The following PRRX1 variants were observed in gnomAD, a reference collection of about 807,000 sequenced individuals.
The protein encoded by PRRX1 is paired related homeobox 1.
A neutral mutation model predicts 24.0 loss-of-function variants in PRRX1; 8 were observed. The ratio of observed to expected loss-of-function variants is 0.33; its 90% CI spans 0.20 to 0.60. PRRX1 has a LOEUF of 0.60. Among genes scored for constraint, PRRX1 ranks in the 20% least tolerant of loss-of-function variants. The pLI, the probability that PRRX1 is intolerant of heterozygous loss-of-function variation, is 0.82. For missense variants in PRRX1, 281 were observed against 322.4 expected (o/e 0.87, Z 0.98); for synonymous variants, 160 against 131.7 (o/e 1.22, Z -1.47).
chr1:170,733,186 T>A (rs1210563561), intron 3 of PRRX1, among the ~76,000 whole-genome samples: 1 of 152,130 alleles, frequency 6.6e-6, no homozygotes, highest in Non-Finnish European at 1.5e-5. Context: ...GAATATCAGG[T>A]GGTAAAGCTA....
At chr1:170,673,891 C>T (rs1653220863) in intron 1 of PRRX1, among the ~76,000 whole-genome samples, 2 of 152,226 alleles carry the variant, frequency 1.3e-5, no homozygotes, top group South Asian at 4.1e-4. Flanking sequence ...GGCTCACCTG[C>T]ACTGCTGTAC....
At chr1:170,700,161 A>T (rs944854906) in intron 1 of PRRX1, among the ~76,000 whole-genome samples, 10 of 151,974 alleles carry the variant, frequency 6.6e-5, no homozygotes, top group African/African-American at 2.2e-4. Flanking sequence ...ATTCAATTTT[A>T]TGCATTTGGA....
intron 1 of PRRX1, among the ~76,000 whole-genome samples, chr1:170,708,574 T>A (rs768886761): frequency 1.6e-4 from 24 of 152,214 alleles, no homozygotes; most frequent in Non-Finnish European, 2.6e-4. Context: ...AATATGTTTT[T>A]TGGAACATAG....
intron 1 of PRRX1, among the ~76,000 whole-genome samples, chr1:170,705,441 C>T (rs1654526161): frequency 6.6e-6 from 1 of 152,048 alleles, no homozygotes; most frequent in South Asian, 2.1e-4. Flanking sequence ...TGCTACCACA[C>T]CCAGCTAATT....
chr1:170,732,767 A>C (rs1202342334), intron 3 of PRRX1, among the ~76,000 whole-genome samples: 1 of 152,180 alleles, frequency 6.6e-6, no homozygotes, highest in African/African-American at 2.4e-5. Flanking sequence ...GAAAGTTTAT[A>C]CATTTCCTAA....
chr1:170,669,078 T>C (rs1295194600), intron 1 of PRRX1: 1 of 152,068 alleles, frequency 6.6e-6, no homozygotes, highest in Non-Finnish European at 1.5e-5. Flanking sequence ...CTACCCACTT[T>C]TGGGTGAAGG....
In PRRX1 at chr1:170,689,839, C is replaced by CTCTCTCT. The variant is rs1558049688; in HGVS notation, c.241+25380_241+25381insTCTCTCT. On this transcript the variant is annotated intron_variant, in intron 1 of 3. Coordinates refer to ENST00000239461, the MANE Select transcript of PRRX1 (RefSeq NM_022716.4). ...GTCTCTCTCTCTCTCTCTCTCTCTC[C>CTCTCTCT]CTCTCTCTCTCTCTCTCTCTCTCTC... Among the ~76,000 whole-genome samples the CTCTCTCT allele has an allele frequency of 1.9e-3, 177 of 91,636 alleles. 6 individuals carry two copies. Among genetic ancestry groups the CTCTCTCT allele is most frequent in the African/African-American group, 6.5e-3 (160 of 24,704 alleles). The allele number at this position is 91,636 out of a possible 152,430, so 60.1% of individuals were successfully genotyped here.
intron 1 of PRRX1, among the ~76,000 whole-genome samples, chr1:170,716,689 G>T (rs181417721): frequency 2.0e-5 from 3 of 152,174 alleles, no homozygotes; most frequent in African/African-American, 4.8e-5. Flanking sequence ...CTAATATCCA[G>T]TTGGATGTCA....
At chr1:170,705,923 C>CACAT (rs1558055375) in intron 1 of PRRX1, among the ~76,000 whole-genome samples, 1 of 126,036 alleles carries the variant, frequency 7.9e-6, no homozygotes, top group Non-Finnish European at 1.6e-5. Flanking sequence ...CATAGACACA[C>CACAT]ACACACACAC....
At chr1:170,679,815 A>G (rs567224381) in intron 1 of PRRX1, among the ~76,000 whole-genome samples, 1 of 152,326 alleles carries the variant, frequency 6.6e-6, no homozygotes, top group African/African-American at 2.4e-5. Context: ...GATGTTTGCA[A>G]TTTAATTTTA....
chr1:170,675,062 T>C (rs1173784286), intron 1 of PRRX1, among the ~76,000 whole-genome samples: 2 of 152,240 alleles, frequency 1.3e-5, no homozygotes. Flanking sequence ...TTAACCCACT[T>C]GCTCTGATCA....
chr1:170,729,054 T>TG (rs1356304066), intron 3 of PRRX1: 8 of 152,220 alleles, frequency 5.3e-5, no homozygotes, highest in Non-Finnish European at 1.0e-4. Context: ...CTTGCTGTGC[T>TG]TCCAAAGAAG....
At chr1:170,691,353 A>G (rs1653940101) in intron 1 of PRRX1, among the ~76,000 whole-genome samples, 1 of 152,042 alleles carries the variant, frequency 6.6e-6, no homozygotes, top group African/African-American at 2.4e-5. Context: ...AAATAATGAG[A>G]AACAGCTTGC....
chr1:170,719,937 A>G (rs1655028108), intron 2 of PRRX1, 36 bp downstream of exon 2: 2 of 1,610,026 alleles, frequency 1.2e-6, no homozygotes, highest in East Asian at 2.2e-5. Context: ...ACCAAGTAGT[A>G]CCCTCCTCAG....
Position 170,695,787 on chromosome 1 carries a change from A to G in PRRX1, c.242-23939A>G, listed in dbSNP as rs1474201899. Among the ~76,000 whole-genome samples the G allele has an allele frequency of 2.0e-5, 3 of 152,066 alleles. No homozygotes were observed. In the East Asian group the frequency reaches 5.8e-4, roughly 29 times the overall value. ...TGAACGTGCATCTTTTCCTTCAAAT[A>G]TCGTGATCCCCATCCTTCTTTTCTC... On this transcript the variant is annotated intron_variant, in intron 1 of 3. Transcript: ENST00000239461.
chr1:170,711,655 A>G (rs756629430), intron 1 of PRRX1, among the ~76,000 whole-genome samples: 5 of 152,212 alleles, frequency 3.3e-5, no homozygotes, highest in Non-Finnish European at 7.3e-5. Flanking sequence ...ACTAGTTTCT[A>G]CTGGTAATGG....
At chr1:170,721,541 G>A (rs1444996299) in intron 2 of PRRX1, among the ~76,000 whole-genome samples, 6 of 152,072 alleles carry the variant, frequency 3.9e-5, no homozygotes, top group Non-Finnish European at 7.4e-5. Flanking sequence ...GGGAAACAGG[G>A]ACCTCACCAA....
intron 1 of PRRX1, among the ~76,000 whole-genome samples, chr1:170,689,728 G>C (rs1653863226): frequency 6.6e-6 from 1 of 151,992 alleles, no homozygotes; most frequent in African/African-American, 2.4e-5. Context: ...GATATGGAGT[G>C]AGGTGGGGAG....
At chr1:170,735,504 G>C (rs1176786512) in intron 3 of PRRX1, among the ~76,000 whole-genome samples, 1 of 152,166 alleles carries the variant, frequency 6.6e-6, no homozygotes, top group Non-Finnish European at 1.5e-5. Flanking sequence ...GAATGGCAGA[G>C]AACATATGTT....
Sources: allele counts gnomAD v4.1 joint callset (sites outside exome capture counted in the v4.1 genomes callset), GRCh38; gene constraint gnomAD v4.1.1; transcripts MANE v1.5; gene names NCBI Gene and HGNC (gene_info 2026-07-23, HGNC 2026-07-21).